TBC1D1: variants seen among roughly 807,000 people sequenced by gnomAD.
The protein encoded by TBC1D1 is TBC1 (tre-2/USP6, BUB2, cdc16) domain family, member 1.
TBC1D1 carries 89 observed loss-of-function variants against 125.6 expected under a neutral mutation model. The ratio of observed to expected loss-of-function variants is 0.71; its 90% CI spans 0.60 to 0.85. The LOEUF is 0.85. Among genes scored for constraint, TBC1D1 ranks in the 40% least tolerant of loss-of-function variants. The probability of loss-of-function intolerance (pLI) is 0.00; values close to 1 mark genes in which losing one functional copy is unlikely to be tolerated. For synonymous variants in TBC1D1, 565 were observed against 564.1 expected, an observed-to-expected ratio of 1.00 and a Z score of -0.02; for missense variants, 1,377 against 1,469.2, an observed-to-expected ratio of 0.94 and a Z score of 1.03.
chr4:37,982,116 C>T (rs1309687907), intron 2 of TBC1D1, among the ~76,000 whole-genome samples: 1 of 152,220 alleles, frequency 6.6e-6, no homozygotes, highest in African/African-American at 2.4e-5. Flanking sequence ...TCTGTCCTGA[C>T]TCTGGGCTTA....
At chr4:38,058,429 A>G (rs1459175591) in intron 12 of TBC1D1, among the ~76,000 whole-genome samples, 1 of 152,206 alleles carries the variant, frequency 6.6e-6, no homozygotes, top group Non-Finnish European at 1.5e-5. Flanking sequence ...AGCGTGCACA[A>G]GACTCTGTTC....
chr4:38,074,505 G>A (rs895077276), intron 12 of TBC1D1, among the ~76,000 whole-genome samples: 1 of 152,182 alleles, frequency 6.6e-6, no homozygotes, highest in Non-Finnish European at 1.5e-5. Context: ...TGAGTGTGCA[G>A]CACTCGATTT....
intron 2 of TBC1D1, among the ~76,000 whole-genome samples, chr4:37,919,541 G>A (rs1056950328): frequency 1.3e-5 from 2 of 151,708 alleles, no homozygotes. Flanking sequence ...ACTGGGAAAA[G>A]CACAACTACT....
At chr4:38,015,046 C>T (rs1742401039) in intron 3 of TBC1D1, 73 bp downstream of exon 3, 13 of 1,271,788 alleles carry the variant, frequency 1.0e-5, no homozygotes, top group Admixed American at 2.7e-5. Context: ...CTTTATGGAG[C>T]GAAGATTCTT....
At chr4:37,937,086 A>G (rs1724546163) in intron 2 of TBC1D1, among the ~76,000 whole-genome samples, 1 of 152,216 alleles carries the variant, frequency 6.6e-6, no homozygotes, top group Non-Finnish European at 1.5e-5. Context: ...GCTAAGGGCA[A>G]CACGCTGGCA....
intron 2 of TBC1D1, chr4:37,996,099 C>T: frequency 2.0e-6 from 1 of 506,076 alleles, no homozygotes. Context: ...TTTTCTGTGG[C>T]AAGAATCTGT....
At chr4:38,043,827 A>G (rs575212321) in intron 8 of TBC1D1, among the ~76,000 whole-genome samples, 33 of 152,298 alleles carry the variant, frequency 2.2e-4, no homozygotes, top group African/African-American at 7.2e-4. Context: ...GGCAGAGAGA[A>G]TAGGTTCTTT....
At chr4:38,076,796 A>G (rs1755670225) in intron 12 of TBC1D1, among the ~76,000 whole-genome samples, 1 of 151,822 alleles carries the variant, frequency 6.6e-6, no homozygotes, top group African/African-American at 2.4e-5. Context: ...TTTTTTCAGG[A>G]GGAAAAAAAA....
Position 38,020,705 on chromosome 4 carries a change from GA to G in TBC1D1, c.1077+11del, listed in dbSNP as rs1743835622. 1.9e-6 allele frequency: 3 copies of G among 1,609,136 alleles called. No homozygotes were observed. Among genetic ancestry groups the G allele is most frequent in the Non-Finnish European group, 2.6e-6 (3 of 1,176,456 alleles). On this transcript the variant is annotated intron_variant, in intron 5 of 19. Transcript: ENST00000261439. ...CACAAATGAGGCTCTGGTGAGAGAG[GA>G]CAAGCAATTCTTACCTTGGAACCTT...
chr4:37,949,741 T>C (rs896555964), intron 2 of TBC1D1, among the ~76,000 whole-genome samples: 1 of 152,252 alleles, frequency 6.6e-6, no homozygotes, highest in Admixed American at 6.5e-5. Context: ...CTGTAGGCCA[T>C]ACAGTCTATG....
At chr4:38,052,421 T>A (rs1407579479) in intron 11 of TBC1D1, among the ~76,000 whole-genome samples, 1 of 151,452 alleles carries the variant, frequency 6.6e-6, no homozygotes, top group Admixed American at 6.6e-5. Flanking sequence ...AGCTTCTGCC[T>A]TGTGGGTTCA....
chr4:37,918,677 AC>A (rs1169657976), intron 2 of TBC1D1, among the ~76,000 whole-genome samples: 1 of 152,050 alleles, frequency 6.6e-6, no homozygotes, highest in Non-Finnish European at 1.5e-5. Flanking sequence ...CAAACTCCCG[AC>A]CTCAGGTGGC....
At chr4:38,081,716 C>T (rs1756595892) in intron 12 of TBC1D1, among the ~76,000 whole-genome samples, 1 of 151,926 alleles carries the variant, frequency 6.6e-6, no homozygotes. Context: ...TCATTTAATC[C>T]CCACAACAAA....
At chr4:38,062,191 T>C (rs1159900344) in intron 12 of TBC1D1, among the ~76,000 whole-genome samples, 3 of 152,074 alleles carry the variant, frequency 2.0e-5, no homozygotes, top group Middle Eastern at 6.3e-3. Flanking sequence ...CTTGAGAAAC[T>C]GTCACCACTT....
chr4:38,070,372 C>T (rs139185643), intron 12 of TBC1D1, among the ~76,000 whole-genome samples: 6 of 152,302 alleles, frequency 3.9e-5, no homozygotes, highest in African/African-American at 1.2e-4. Context: ...GTCCAGGTGT[C>T]GCTGGAAGAG....
intron 15 of TBC1D1, among the ~76,000 whole-genome samples, chr4:38,106,219 A>T (rs1266825825): frequency 6.6e-6 from 1 of 152,174 alleles, no homozygotes; most frequent in Non-Finnish European, 1.5e-5. Flanking sequence ...CCGCCATCTC[A>T]TGGGCCCTCA....
At chr4:37,999,334 A>G (rs950786856) in intron 2 of TBC1D1, among the ~76,000 whole-genome samples, 3 of 152,220 alleles carry the variant, frequency 2.0e-5, no homozygotes, top group African/African-American at 7.2e-5. Flanking sequence ...GGTAAAGTTT[A>G]CCTACAACAC....
In TBC1D1 at chr4:38,103,055, C is replaced by G; in HGVS notation, c.2455C>G (p.Leu819Val). ...GAAATTTCTAGCTGAGCAATTCCAC[C>G]TTAAACACCAGTTTCCCAGCAAACA... The change falls in exon 15 of 20, where the codon CTT becomes GTT. Residue 819 changes from leucine to valine, a missense_variant. Physicochemically the swap from Leu to Val is conservative, Grantham distance 32. This residue lies in a region of TBC1D1 where 543 missense variants were observed against 613.5 expected (regional missense o/e 0.89). Transcript: ENST00000261439. The G allele has an allele frequency of 2.5e-6, 4 of 1,614,106 alleles. No individual in the cohort carries two copies. The highest frequency in any genetic ancestry group is 3.4e-6 in the Non-Finnish European group (4 of 1,179,998).
intron 2 of TBC1D1, among the ~76,000 whole-genome samples, chr4:37,936,211 T>C (rs999519863): frequency 6.6e-6 from 1 of 152,188 alleles, no homozygotes; most frequent in Non-Finnish European, 1.5e-5. Context: ...CACATACCTG[T>C]GATAAAGTCT....
Sources: gnomAD v4.1 joint callset for allele counts (sites outside exome capture counted in the v4.1 genomes callset) on GRCh38, gnomAD v4.1.1 for gene constraint, gnomAD v4.1.1 regional missense constraint, MANE v1.5 for transcripts, NCBI Gene and HGNC (gene_info 2026-07-23, HGNC 2026-07-21) for gene names.